The following SMC1A variants were observed in gnomAD, a reference collection of about 807,000 sequenced individuals.
SMC1A encodes structural maintenance of chromosomes protein 1A.
A neutral mutation model predicts 94.5 loss-of-function variants in SMC1A; 4 were observed. The ratio of observed to expected loss-of-function variants is 0.04; its 90% CI spans 0.02 to 0.10. SMC1A has a LOEUF of 0.10. SMC1A is among the 10% of genes least tolerant of loss of function. The probability of loss-of-function intolerance (pLI) is 1.00; values close to 1 mark genes in which losing one functional copy is unlikely to be tolerated. For missense variants in SMC1A, 304 were observed against 989.0 expected (o/e 0.31, Z 9.29); for synonymous variants, 345 against 347.7 (o/e 0.99, Z 0.09).
intron 13 of SMC1A, 195 bp downstream of exon 13, chrX:53,404,817 A>AAT: frequency 2.1e-6 from 1 of 468,920 alleles, no homozygotes; most frequent in Non-Finnish European, 3.7e-6. Flanking sequence ...GAAAGGTGAA[A>AAT]ATACTTGCCT....
At chrX:53,398,649 G>A (rs1416103375) in intron 16 of SMC1A, among the ~76,000 whole-genome samples, 2 of 111,000 alleles carry the variant, frequency 1.8e-5, no homozygotes, top group Non-Finnish European at 3.8e-5. Context: ...ACGGATTTAA[G>A]GCAACACTGG....
intron 20 of SMC1A, 113 bp from the exon 21 acceptor site, chrX:53,382,773 C>A: frequency 1.1e-6 from 1 of 940,724 alleles, no homozygotes; most frequent in African/African-American, 1.9e-5. Flanking sequence ...AGGAGGGTCC[C>A]AGAAGGATCT....
intron 15 of SMC1A, 33 bp from the exon 16 acceptor site, chrX:53,399,763 A>C: frequency 2.5e-6 from 3 of 1,185,429 alleles, no homozygotes; most frequent in Non-Finnish European, 2.3e-6. Flanking sequence ...AATCACTCAT[A>C]ATCTCATCAG....
At chrX:53,394,914 G>A (rs1556887787) in intron 18 of SMC1A, 26 bp from the exon 19 acceptor site, 2 of 928,318 alleles carry the variant, frequency 2.2e-6, no homozygotes, top group East Asian at 3.1e-5. Flanking sequence ...AGAGTCAAGT[G>A]GAGCAGACTG....
rs1352799776 is a variant in SMC1A at position 53,376,832 on chromosome X, G to GTGA, written c.*3268_*3270dup. 8.9e-6 allele frequency: 1 copy of GTGA among 111,877 alleles called. No individual in the cohort carries two copies. Among genetic ancestry groups the GTGA allele is most frequent in the Non-Finnish European group, 1.9e-5 (1 of 53,188 alleles). 9.2% of individuals were successfully genotyped at this position (111,877 alleles called of 1,213,427 possible). A position where few individuals can be genotyped will look rare whatever the true frequency, so the allele number is the denominator to read the frequency against. On this transcript the variant is annotated 3_prime_UTR_variant, in exon 25 of 25. Coordinates refer to ENST00000322213, the MANE Select transcript of SMC1A (RefSeq NM_006306.4). ...TACAAATGGTTTCCCCAACTAAACA[G>GTGA]TGAGCTCCTCAAAGGCAGGATAAAG...
intron 18 of SMC1A, 66 bp downstream of exon 18, chrX:53,396,161 C>T (rs1382200240): frequency 5.3e-6 from 6 of 1,141,626 alleles, no homozygotes; most frequent in Non-Finnish European, 6.0e-6. Context: ...TTCCTGGTCA[C>T]TTTCACTCCC....
intron 1 of SMC1A, among the ~76,000 whole-genome samples, chrX:53,419,559 C>T: frequency 9.3e-6 from 1 of 107,785 alleles, no homozygotes; most frequent in South Asian, 4.0e-4. Context: ...GGCGCGGTGG[C>T]TCACACCTGT....
chrX:53,394,152 C>CAAA (rs55878070), intron 19 of SMC1A, among the ~76,000 whole-genome samples: 5 of 42,734 alleles, frequency 1.2e-4, no homozygotes, highest in African/African-American at 1.8e-4. Context: ...AACTCCGTCT[C>CAAA]AAAAAAAAAA....
intron 19 of SMC1A, among the ~76,000 whole-genome samples, chrX:53,390,778 G>A (rs2075624959): frequency 9.4e-6 from 1 of 106,060 alleles, no homozygotes; most frequent in African/African-American, 3.4e-5. Context: ...GGGTTACGAG[G>A]TCAGGAGATC....
At chrX:53,397,005 A>G (rs1440382391) in intron 16 of SMC1A, among the ~76,000 whole-genome samples, 1 of 110,996 alleles carries the variant, frequency 9.0e-6, no homozygotes, top group Non-Finnish European at 1.9e-5. Flanking sequence ...GTTATATTTG[A>G]GCATTTTTTT....
intron 16 of SMC1A, among the ~76,000 whole-genome samples, chrX:53,397,378 C>T (rs1354357449): frequency 9.0e-6 from 1 of 111,215 alleles, no homozygotes; most frequent in Non-Finnish European, 1.9e-5. Context: ...CCCAGGAGTT[C>T]GAGACCAGCC....
chrX:53,387,704 G>A (rs1168210561), intron 19 of SMC1A, among the ~76,000 whole-genome samples: 1 of 111,340 alleles, frequency 9.0e-6, no homozygotes, highest in Admixed American at 9.6e-5. Flanking sequence ...GGACATATTG[G>A]AAAGCAAGGG....
rs1223252947 is a variant in SMC1A, at chrX:53,414,783, T to C, written c.386A>G (p.Lys129Arg). The stretch of plus-strand genomic sequence containing the variant: ...CTGGAAAACGAGGAAGTTACGAGCT[T>C]TGATGAGAATGCCCAACTTCTCTAA... ...EELEKLGILI[K>R]ARNFLVFQGA... The change falls in exon 3 of 25, where the codon AAA becomes AGA. Residue 129 changes from lysine (K) to arginine (R), a missense_variant. Coordinates refer to ENST00000322213, the MANE Select transcript of SMC1A (RefSeq NM_006306.4). 6.7e-6 allele frequency: 8 copies of C among 1,202,745 alleles called. No homozygotes were observed. Among genetic ancestry groups the C allele is most frequent in the Non-Finnish European group, 9.0e-6 (8 of 888,694 alleles).
chrX:53,404,118 C>T (rs1223102574), intron 13 of SMC1A, among the ~76,000 whole-genome samples: 2 of 111,382 alleles, frequency 1.8e-5, no homozygotes, highest in African/African-American at 6.5e-5. Flanking sequence ...GGGCTGGGGA[C>T]ACAGTAAACA....
chrX:53,389,248 C>T (rs1255316167), intron 19 of SMC1A, among the ~76,000 whole-genome samples: 1 of 108,031 alleles, frequency 9.3e-6, no homozygotes, highest in African/African-American at 3.4e-5. Flanking sequence ...AAAAATAGTG[C>T]AAAGAAAAAT....
chrX:53,394,241 AG>A (rs782683772), intron 19 of SMC1A, among the ~76,000 whole-genome samples: 37 of 108,404 alleles, frequency 3.4e-4, no homozygotes, highest in Admixed American at 5.0e-4. Flanking sequence ...AAAGTGAAAG[AG>A]GGAGAAGTCA....
chrX:53,421,586 T>C lies in SMC1A; in HGVS notation c.109+906A>G, dbSNP rs188286885. On this transcript the variant is annotated intron_variant, in intron 1 of 24. Transcript: ENST00000322213. ...CGTTTAGAGTTGGGAAGACACAAAA[T>C]AGAGGCTTTACCTGACCACCCTTTC... Among the ~76,000 whole-genome samples, 363 of 111,644 alleles carry C rather than the reference T, an allele frequency of 3.3e-3. 2 individuals are homozygous for C. The highest frequency in any genetic ancestry group is 0.014 in the Middle Eastern group (3 of 216).
rs781907090 is a variant in SMC1A at position 53,416,315 on chromosome X, T to A, written c.110-1146A>T. Among the ~76,000 whole-genome samples the A allele has an allele frequency of 5.9e-3, 590 of 99,598 alleles. 5 individuals carry two copies. Among genetic ancestry groups the A allele is most frequent in the Middle Eastern group, 0.03 (6 of 198 alleles). The allele number at this position is 99,598 out of a possible 115,157, so 86.5% of individuals were successfully genotyped here. On this transcript the variant is annotated intron_variant, in intron 1 of 24. Coordinates refer to ENST00000322213, the MANE Select transcript of SMC1A (RefSeq NM_006306.4). ...AAGACTCCATCTCAAAAAAAAAAAA[T>A]AAAATAAAATAAAATAATAATAATA...
At chrX:53,422,719 G>A, upstream of SMC1A, 1 of 529,117 alleles carries the variant, frequency 1.9e-6, no homozygotes, top group Non-Finnish European at 3.4e-6. Flanking sequence ...GCGAGAATAC[G>A]TCCAGGCCTA....
Sources: allele counts gnomAD v4.1 joint callset (sites outside exome capture counted in the v4.1 genomes callset), GRCh38; gene constraint gnomAD v4.1.1; transcripts MANE v1.5; gene names NCBI Gene and HGNC (gene_info 2026-07-23, HGNC 2026-07-21).